Variants in DNAH9 observed in about 807,000 individuals in gnomAD.
The protein encoded by DNAH9 is DNAH9 variant protein.
DNAH9 carries 345 observed loss-of-function variants against 471.6 expected under a neutral mutation model. The ratio of observed to expected loss-of-function variants is 0.73; its 90% CI spans 0.67 to 0.80. The LOEUF (loss-of-function observed/expected upper bound fraction) is 0.80. Ranked by LOEUF, DNAH9 falls within the 30% of genes least tolerant of loss-of-function variation. The pLI is 0.00. For missense variants in DNAH9, 5,407 were observed against 5,609.2 expected, an observed-to-expected ratio of 0.96 and a Z score of 1.15; for synonymous variants, 2,093 against 2,123.6, an observed-to-expected ratio of 0.99 and a Z score of 0.40.
intron 28 of DNAH9, among the ~76,000 whole-genome samples, chr17:11,728,707 G>C (rs1383650341): frequency 6.6e-6 from 1 of 152,182 alleles, no homozygotes; most frequent in African/African-American, 2.4e-5. Context: ...GGAGGGTGAA[G>C]GGGGGGAACG....
chr17:11,661,386 C>T lies in DNAH9; in HGVS notation c.2596-3447C>T, dbSNP rs534851790. On this transcript the variant is annotated intron_variant, in intron 14 of 68. Transcript: ENST00000262442. ...ATTTTTTTAAGTCTAACAACTCTGC[C>T]TATTAATTGGAATGCATAGACTGTT... Among the ~76,000 whole-genome samples the T allele has an allele frequency of 1.2e-4, 19 of 152,134 alleles. No homozygotes were observed. The South Asian group carries it at 3.3e-3, about 27-fold the overall frequency.
intron 27 of DNAH9, 78 bp downstream of exon 27, chr17:11,719,568 C>A: frequency 7.3e-7 from 1 of 1,362,116 alleles, no homozygotes. Context: ...TAAGACGCAT[C>A]CGTGCCACCC....
At chr17:11,625,737 G>A (rs1202377232) in intron 6 of DNAH9, among the ~76,000 whole-genome samples, 2 of 152,148 alleles carry the variant, frequency 1.3e-5, no homozygotes, top group East Asian at 3.9e-4. Context: ...GTGCTGCACG[G>A]TTTTTTCATA....
At chr17:11,771,136 T>A (rs1198442104) in intron 38 of DNAH9, among the ~76,000 whole-genome samples, 1 of 152,206 alleles carries the variant, frequency 6.6e-6, no homozygotes, top group African/African-American at 2.4e-5. Context: ...ATTTATTTAT[T>A]TATTTTTGAG....
intron 67 of DNAH9, among the ~76,000 whole-genome samples, chr17:11,961,321 T>TAA (rs906248183): frequency 6.6e-6 from 1 of 150,972 alleles, no homozygotes; most frequent in South Asian, 2.1e-4. Context: ...TCTCCAAAAA[T>TAA]AAAAAAAAAT....
chr17:11,624,481 C>T (rs1021124440), intron 6 of DNAH9, among the ~76,000 whole-genome samples: 2 of 151,642 alleles, frequency 1.3e-5, no homozygotes, highest in East Asian at 1.9e-4. Flanking sequence ...AGCACTCCAG[C>T]GTGGGTGACA....
chr17:11,681,138 T>C (rs1000968393), intron 19 of DNAH9, among the ~76,000 whole-genome samples: 1 of 152,204 alleles, frequency 6.6e-6, no homozygotes, highest in African/African-American at 2.4e-5. Context: ...TAGAAGCATC[T>C]TTGTGCCTCC....
chr17:11,666,128 G>A (rs762342338), intron 15 of DNAH9, among the ~76,000 whole-genome samples: 3 of 152,174 alleles, frequency 2.0e-5, no homozygotes, highest in Non-Finnish European at 4.4e-5. Context: ...AATGGGGCAT[G>A]GAACACGGGC....
chr17:11,907,469 AAG>A (rs377298860), intron 61 of DNAH9, among the ~76,000 whole-genome samples: 141 of 151,208 alleles, frequency 9.3e-4, no homozygotes, highest in African/African-American at 3.2e-3. Context: ...AAAAAAAAAA[AAG>A]AGTCTGTCCT....
chr17:11,716,714 C>T (rs1006838576), intron 26 of DNAH9, among the ~76,000 whole-genome samples: 2 of 152,192 alleles, frequency 1.3e-5, no homozygotes, highest in African/African-American at 4.8e-5. Context: ...TCCCAAATTC[C>T]TGAGAGCCCT....
intron 62 of DNAH9, among the ~76,000 whole-genome samples, chr17:11,927,930 G>C (rs1175030711): frequency 6.6e-6 from 1 of 152,136 alleles, no homozygotes; most frequent in East Asian, 1.9e-4. Flanking sequence ...CCCACATGTA[G>C]GTTGCTGGTG....
intron 50 of DNAH9, among the ~76,000 whole-genome samples, chr17:11,864,012 T>C (rs1432645481): frequency 6.6e-6 from 1 of 151,126 alleles, no homozygotes; most frequent in Non-Finnish European, 1.5e-5. Flanking sequence ...TTTTTGTGTC[T>C]CTATTTCCTT....
chr17:11,641,440 C>T (rs1014453519), intron 10 of DNAH9, among the ~76,000 whole-genome samples: 1 of 152,038 alleles, frequency 6.6e-6, no homozygotes, highest in Non-Finnish European at 1.5e-5. Flanking sequence ...CAGCGGGTGA[C>T]CCATTTGCAG....
intron 26 of DNAH9, among the ~76,000 whole-genome samples, chr17:11,710,132 T>C (rs2074803913): frequency 3.3e-5 from 5 of 152,162 alleles, no homozygotes; most frequent in Admixed American, 1.3e-4. Context: ...ACTGAGATCA[T>C]ATCTTATATA....
chr17:11,903,341 A>C (rs2151013669), intron 60 of DNAH9, among the ~76,000 whole-genome samples: 1 of 152,050 alleles, frequency 6.6e-6, no homozygotes, highest in East Asian at 1.9e-4. Flanking sequence ...TCATCTCAAA[A>C]GAAGTAAAAA....
chr17:11,689,254 G>C (rs1355661046), intron 19 of DNAH9, among the ~76,000 whole-genome samples: 1 of 152,002 alleles, frequency 6.6e-6, no homozygotes, highest in African/African-American at 2.4e-5. Context: ...AGTCTAAAGG[G>C]GCTTGGATAA....
rs151314858 is a variant in DNAH9 at position 11,636,783 on chromosome 17, T to G, written c.1785T>G (p.Leu595=). Residue 595 remains leucine, a splice_region_variant and synonymous_variant, in exon 9 of 69, where the codon CTT becomes CTG. Coordinates refer to ENST00000262442, the MANE Select transcript of DNAH9 (RefSeq NM_001372.4). ...YSQHVQEEAE[L]GFSPVHKNMP... The stretch of plus-strand genomic sequence containing the variant: ...AGCACGTCCAGGAGGAAGCAGAACT[T>G]GGTAGGCTTGTTAAAGGGGATTTTG... The G allele has an allele frequency of 4.5e-5, 72 of 1,613,762 alleles. No homozygotes were observed. In the African/African-American group the frequency reaches 8.7e-4, roughly 19 times the overall value.
chr17:11,872,812 C>T (rs1292530931), intron 52 of DNAH9, among the ~76,000 whole-genome samples: 3 of 152,180 alleles, frequency 2.0e-5, no homozygotes, highest in East Asian at 3.9e-4. Flanking sequence ...CCCAGCTACT[C>T]GGGAGGCTGA....
At chr17:11,810,474 A>T in intron 45 of DNAH9, 105 bp downstream of exon 45, 5 of 1,435,410 alleles carry the variant, frequency 3.5e-6, no homozygotes, top group Non-Finnish European at 4.7e-6. Context: ...GGTCATAGTA[A>T]TGAGGAAGAA....
Sources: allele counts gnomAD v4.1 joint callset (sites outside exome capture counted in the v4.1 genomes callset), GRCh38; gene constraint gnomAD v4.1.1; transcripts MANE v1.5; gene names NCBI Gene and HGNC (gene_info 2026-07-23, HGNC 2026-07-21).